The following SMARCC1 variants were observed in gnomAD, a reference collection of about 807,000 sequenced individuals.
SMARCC1 encodes SWI/SNF complex subunit SMARCC1.
In SMARCC1, 43 loss-of-function variants were observed where a neutral mutation model predicts 147.4. The observed-to-expected ratio is 0.29, with a 90% confidence interval of 0.23 to 0.38. The LOEUF (loss-of-function observed/expected upper bound fraction) is 0.38. Among genes scored for constraint, SMARCC1 ranks in the 10% least tolerant of loss-of-function variants. The pLI is 1.00. For missense variants in SMARCC1, 1,119 were observed against 1,381.1 expected (o/e 0.81, Z 3.01); for synonymous variants, 495 against 484.4 (o/e 1.02, Z -0.29).
chr3:47,735,333 G>GAA (rs951390830), intron 5 of SMARCC1, among the ~76,000 whole-genome samples: 1 of 151,668 alleles, frequency 6.6e-6, no homozygotes, highest in Non-Finnish European at 1.5e-5. Flanking sequence ...TGAGGGGAGA[G>GAA]AAAAAAAACA....
Position 47,644,936 on chromosome 3 carries a change from TG to T in SMARCC1, c.2321-6157del, listed in dbSNP as rs777782428. 5.6e-3 allele frequency among the ~76,000 whole-genome samples: 859 copies of T among 152,312 alleles called. 5 individuals carry two copies. Among genetic ancestry groups the T allele is most frequent in the African/African-American group, 0.02 (823 of 41,560 alleles). ...ACTGTATCATCCTCTTGGTATTCCA[TG>T]AAACGGCAAGGTGGGGGGAGTCAAC... On this transcript the variant is annotated intron_variant, in intron 21 of 27. Transcript: ENST00000254480.
chr3:47,683,196 C>G (rs914556692), intron 14 of SMARCC1, among the ~76,000 whole-genome samples: 21 of 152,120 alleles, frequency 1.4e-4, no homozygotes, highest in Admixed American at 1.3e-4. Context: ...GCGCCCGCCA[C>G]CACGCCCGGC....
intron 21 of SMARCC1, among the ~76,000 whole-genome samples, chr3:47,659,681 A>T (rs2033314459): frequency 6.8e-6 from 1 of 147,550 alleles, no homozygotes; most frequent in African/African-American, 2.5e-5. Context: ...GGCAGTATAC[A>T]GAAACTCTGT....
intron 19 of SMARCC1, among the ~76,000 whole-genome samples, chr3:47,665,230 C>G (rs2033406526): frequency 6.6e-6 from 1 of 152,194 alleles, no homozygotes. Context: ...AGCAAATGGC[C>G]TGACACATTA....
At chr3:47,777,849 T>C (rs1413967155) in intron 1 of SMARCC1, among the ~76,000 whole-genome samples, 11 of 151,976 alleles carry the variant, frequency 7.2e-5, no homozygotes. Context: ...TTTAATAAAC[T>C]ATAAAATATT....
chr3:47,614,723 G>A (rs947210625), intron 25 of SMARCC1, among the ~76,000 whole-genome samples: 1 of 152,058 alleles, frequency 6.6e-6, no homozygotes, highest in Admixed American at 6.6e-5. Context: ...CCCTGATTCT[G>A]ACCTTGCTGC....
At chr3:47,625,473 G>A (rs2032795780) in intron 24 of SMARCC1, among the ~76,000 whole-genome samples, 1 of 152,072 alleles carries the variant, frequency 6.6e-6, no homozygotes, top group African/African-American at 2.4e-5. Context: ...GAGCTCAAAT[G>A]ATCTGCCTGT....
chr3:47,627,088 C>T lies in SMARCC1; in HGVS notation c.2647-4747G>A, dbSNP rs1013125512. Among the ~76,000 whole-genome samples, 5 of 152,240 alleles carry T rather than the reference C, an allele frequency of 3.3e-5. No individual in the cohort carries two copies. The East Asian group carries it at 7.7e-4, about 23-fold the overall frequency. ...AATAAAATTGTTATGTTTTAAACTA[C>T]TCAATTTTGCTATTGTAAAATAATT... On this transcript the variant is annotated intron_variant, in intron 24 of 27. Transcript: ENST00000254480.
intron 11 of SMARCC1, among the ~76,000 whole-genome samples, chr3:47,697,387 G>A (rs1380632509): frequency 1.3e-5 from 2 of 149,990 alleles, no homozygotes; most frequent in Admixed American, 6.7e-5. Flanking sequence ...TGCAACCTCC[G>A]CCTCCCGGGT....
intron 24 of SMARCC1, among the ~76,000 whole-genome samples, chr3:47,633,255 G>A (rs2032916205): frequency 6.6e-6 from 1 of 152,158 alleles, no homozygotes; most frequent in Admixed American, 6.5e-5. Flanking sequence ...GAGGAGACAG[G>A]CAAAAGATTA....
chr3:47,665,880 T>G, intron 19 of SMARCC1, among the ~76,000 whole-genome samples: 1 of 151,896 alleles, frequency 6.6e-6, no homozygotes, highest in Non-Finnish European at 1.5e-5. Context: ...AGACACGGTC[T>G]TGCTATGTTG....
Position 47,622,261 on chromosome 3 carries a change from G to A in SMARCC1, c.2727C>T (p.Ile909=). ...CCAGCTCTTCAAAATGTCGAAGTTT[G>A]ATCTCTAGTTTCTTCATTTGTGTCT... ...LVETQMKKLE[I]KLRHFEELET... is the part of the protein sequence containing the mutation. Residue 909 remains isoleucine (I), a synonymous_variant, in exon 25 of 28, where the codon ATC becomes ATT. Coordinates refer to ENST00000254480, the MANE Select transcript of SMARCC1 (RefSeq NM_003074.4). 1 of 1,604,816 alleles carries A rather than the reference G, an allele frequency of 6.2e-7. No homozygotes were observed.
chr3:47,592,240 A>G (rs760048296), intron 26 of SMARCC1, among the ~76,000 whole-genome samples: 2 of 152,248 alleles, frequency 1.3e-5, no homozygotes, highest in Non-Finnish European at 2.9e-5. Context: ...CAGATAGTAA[A>G]TATTTTAGTC....
intron 22 of SMARCC1, among the ~76,000 whole-genome samples, chr3:47,636,497 C>T (rs1035290823): frequency 6.6e-6 from 1 of 152,164 alleles, no homozygotes; most frequent in Non-Finnish European, 1.5e-5. Context: ...GCCTGTAATC[C>T]CAGCAGTCTG....
At chr3:47,715,732 A>G (rs2106803791) in intron 7 of SMARCC1, among the ~76,000 whole-genome samples, 2 of 152,292 alleles carry the variant, frequency 1.3e-5, no homozygotes, top group South Asian at 4.1e-4. Context: ...TAATTATCTG[A>G]CAGAGACTCT....
rs1466507128 is a variant in SMARCC1 at position 47,590,824 on chromosome 3, G to C, written c.3057C>G (p.Gly1019=). ...PHPPQPGQIP[G]PGSMMPGQHM... ...GCTGCCCGGGCATCATGGAACCTGG[G>C]CCTGGTATCTGACCTGTGGAGGGAG... Residue 1019 remains glycine (G), a synonymous_variant, in exon 27 of 28, where the codon GGC becomes GGG. Transcript: ENST00000254480. 7 of 1,599,878 alleles carry C rather than the reference G, an allele frequency of 4.4e-6. No individual in the cohort carries two copies. The highest frequency in any genetic ancestry group is 2.7e-5 in the African/African-American group (2 of 74,078).
Position 47,671,184 on chromosome 3 carries a change from A to AC in SMARCC1, c.1840-468_1840-467insG, listed in dbSNP as rs1413613890. Among the ~76,000 whole-genome samples the AC allele has an allele frequency of 3.5e-3, 503 of 145,178 alleles. 17 individuals carry two copies. The highest frequency in any genetic ancestry group is 0.012 in the African/African-American group (482 of 38,830). ...GAGCGAGACTATCTCAAAAAAAAAAAAAAAAAAAAAAAAACACACACAAAA... is the reference window on the plus strand; with the variant it reads ...GAGCGAGACTATCTCAAAAAAAAAAACAAAAAAAAAAAAAACACACACAAAA... On this transcript the variant is annotated intron_variant, in intron 18 of 27. Transcript: ENST00000254480.
At chr3:47,739,209 C>T (rs1466262766) in intron 3 of SMARCC1, among the ~76,000 whole-genome samples, 1 of 152,170 alleles carries the variant, frequency 6.6e-6, no homozygotes, top group Non-Finnish European at 1.5e-5. Context: ...GGATCCACTG[C>T]TTCATAAATA....
In SMARCC1 at chr3:47,662,548, A is replaced by G. The variant is rs1166100417; in HGVS notation, c.1944T>C (p.His648=). 17 of 1,613,872 alleles carry G rather than the reference A, an allele frequency of 1.1e-5. No homozygotes were observed. The highest frequency in any genetic ancestry group is 1.4e-5 in the Non-Finnish European group (17 of 1,179,878). ...ATTCATCCTGAGTACGACTTCCAAC[A>G]TGTTCCGACACTTTGTTCCAATCAT... ...YKDDWNKVSE[H]VGSRTQDECI... is the part of the protein sequence containing the mutation. Residue 648 remains histidine, a synonymous_variant, in exon 20 of 28, where the codon CAT becomes CAC. Transcript: ENST00000254480.
Sources: allele counts gnomAD v4.1 joint callset (sites outside exome capture counted in the v4.1 genomes callset), GRCh38; gene constraint gnomAD v4.1.1; transcripts MANE v1.5; gene names NCBI Gene and HGNC (gene_info 2026-07-23, HGNC 2026-07-21).